The following ARHGEF4 variants were observed in gnomAD, a reference collection of about 807,000 sequenced individuals.
The protein encoded by ARHGEF4 is APC-stimulated guanine nucleotide exchange factor 1.
Under a neutral mutation model 162.0 loss-of-function variants are expected in ARHGEF4, and 119 were observed. That is an observed-to-expected ratio of 0.73 (90% CI 0.63 to 0.86). ARHGEF4 has a LOEUF of 0.86. Ranked by LOEUF, ARHGEF4 falls within the 40% of genes least tolerant of loss-of-function variation. The probability of loss-of-function intolerance (pLI) is 0.00; values close to 1 mark genes in which losing one functional copy is unlikely to be tolerated. For missense variants in ARHGEF4, 2,488 were observed against 2,456.0 expected (o/e 1.01, Z -0.28); for synonymous variants, 1,014 against 979.9 (o/e 1.03, Z -0.65).
At chr2:131,023,319 G>A (rs1192843893) in intron 4 of ARHGEF4, among the ~76,000 whole-genome samples, 6 of 152,014 alleles carry the variant, frequency 3.9e-5, no homozygotes, top group African/African-American at 1.4e-4. Flanking sequence ...TGTAATACCA[G>A]CTACTCAGGA....
intron 4 of ARHGEF4, among the ~76,000 whole-genome samples, chr2:130,948,384 T>C (rs941190552): frequency 6.6e-6 from 1 of 152,228 alleles, no homozygotes; most frequent in Non-Finnish European, 1.5e-5. Context: ...TTGACAAGTG[T>C]TGAAGAAACT....
At chr2:130,954,557 T>C (rs1684153813) in intron 4 of ARHGEF4, among the ~76,000 whole-genome samples, 1 of 152,200 alleles carries the variant, frequency 6.6e-6, no homozygotes, top group South Asian at 2.1e-4. Context: ...ATTAAAAAAA[T>C]AATAACAAAT....
At chr2:130,988,180 G>T (rs889597786) in intron 4 of ARHGEF4, among the ~76,000 whole-genome samples, 1 of 152,240 alleles carries the variant, frequency 6.6e-6, no homozygotes, top group Non-Finnish European at 1.5e-5. Context: ...AGGTGGCTCT[G>T]TCGGTGCCCG....
intron 1 of ARHGEF4, among the ~76,000 whole-genome samples, chr2:130,866,041 C>G (rs1448214974): frequency 6.6e-6 from 1 of 152,058 alleles, no homozygotes; most frequent in Non-Finnish European, 1.5e-5. Context: ...AAGTTAGGTC[C>G]AGGGACCTGA....
At chr2:130,848,291 G>T (rs1054947845) in intron 1 of ARHGEF4, among the ~76,000 whole-genome samples, 1 of 152,170 alleles carries the variant, frequency 6.6e-6, no homozygotes, top group Non-Finnish European at 1.5e-5. Flanking sequence ...CACCTTGTGC[G>T]CTGCCCCAGC....
At chr2:130,926,810 A>ATTTGTTTTTTTTTT (rs1682319630) in intron 2 of ARHGEF4, among the ~76,000 whole-genome samples, 1 of 48,948 alleles carries the variant, frequency 2.0e-5, no homozygotes, top group Non-Finnish European at 3.6e-5. Context: ...CTTCTGGCTG[A>ATTTGTTTTTTTTTT]TTTTTTTTTT....
At chr2:130,988,881 TATATATATATATATATATATAGAGAGAG>T (rs1321413040) in intron 4 of ARHGEF4, among the ~76,000 whole-genome samples, 1 of 26,994 alleles carries the variant, frequency 3.7e-5, no homozygotes. Flanking sequence ...TGTATATATA[TATATATATATATATATATATAGAGAGAG>T]AGAGAGAGAG....
intron 1 of ARHGEF4, among the ~76,000 whole-genome samples, chr2:130,874,744 G>A (rs1678711874): frequency 6.6e-6 from 1 of 152,134 alleles, no homozygotes; most frequent in Non-Finnish European, 1.5e-5. Flanking sequence ...CATCACCACA[G>A]CATTGGTCAT....
chr2:130,935,689 A>G (rs1247453261), intron 3 of ARHGEF4, among the ~76,000 whole-genome samples: 1 of 152,100 alleles, frequency 6.6e-6, no homozygotes, highest in Non-Finnish European at 1.5e-5. Context: ...TAATTTCCAT[A>G]TATTTGTGAA....
chr2:130,963,663 G>T (rs1452339754), intron 4 of ARHGEF4: 1 of 146,548 alleles, frequency 6.8e-6, no homozygotes, highest in Non-Finnish European at 1.5e-5. Flanking sequence ...GCGTGCGCGC[G>T]TGCGTGAGCG....
Position 131,028,026 on chromosome 2 carries a change from G to A in ARHGEF4, c.4067G>A (p.Ser1356Asn). The change falls in exon 5 of 14, where the codon AGC becomes AAC. Residue 1356 changes from serine (S) to asparagine (N), a missense_variant. Transcript: ENST00000409359. ...SEEDLYDDLHSSSHHYSHPGG... is the reference protein window; with the variant it reads ...SEEDLYDDLHNSSHHYSHPGG... ...GAGGACCTGTATGATGACCTGCACA[G>A]CTCCAGCCACCACTACAGCCACCCT... 1.2e-6 allele frequency: 2 copies of A among 1,613,906 alleles called. No homozygotes were observed. The highest frequency in any genetic ancestry group is 1.3e-5 in the African/African-American group (1 of 75,040).
intron 3 of ARHGEF4, among the ~76,000 whole-genome samples, chr2:130,938,142 A>AACATATGTTTAATAAC (rs1280612045): frequency 6.6e-6 from 1 of 152,204 alleles, no homozygotes; most frequent in Non-Finnish European, 1.5e-5. Flanking sequence ...TATTATAAAT[A>AACATATGTTTAATAAC]ATATGTTTAA....
intron 2 of ARHGEF4, among the ~76,000 whole-genome samples, chr2:130,918,278 G>T (rs535625151): frequency 6.6e-6 from 1 of 152,152 alleles, no homozygotes; most frequent in African/African-American, 2.4e-5. Context: ...AATGTTTAGT[G>T]CAGTAAGATG....
At chr2:130,875,598 C>T (rs989856911) in intron 1 of ARHGEF4, among the ~76,000 whole-genome samples, 2 of 152,164 alleles carry the variant, frequency 1.3e-5, no homozygotes. Flanking sequence ...TCACTCACTC[C>T]CAGGAGAATT....
intron 4 of ARHGEF4, among the ~76,000 whole-genome samples, chr2:131,012,086 G>C (rs905549791): frequency 6.6e-6 from 1 of 152,190 alleles, no homozygotes. Context: ...GCAGTTGTCT[G>C]CTACTGAGAT....
intron 1 of ARHGEF4, among the ~76,000 whole-genome samples, chr2:130,848,230 C>G (rs1212906451): frequency 2.0e-5 from 3 of 152,146 alleles, no homozygotes; most frequent in African/African-American, 7.2e-5. Context: ...CTGGGCTGCT[C>G]CCGCCCACCC....
At position 130,934,991 on chromosome 2, in the gene ARHGEF4, C is replaced by A. The variant is rs1327943128; in HGVS notation, c.3858+3734C>A. ...AATTTCTGTAACATCAGTAGTAATG[C>A]CTCCACTCTCATTTCTAATTTTAGT... On this transcript the variant is annotated intron_variant, in intron 3 of 13. Transcript: ENST00000409359. Among the ~76,000 whole-genome samples, 4 of 152,114 alleles carry A rather than the reference C, an allele frequency of 2.6e-5. No individual in the cohort carries two copies. The East Asian group carries it at 7.7e-4, about 29-fold the overall frequency.
chr2:130,976,544 A>T (rs1276931018), intron 4 of ARHGEF4, among the ~76,000 whole-genome samples: 1 of 152,238 alleles, frequency 6.6e-6, no homozygotes, highest in African/African-American at 2.4e-5. Context: ...CACTAAAGTC[A>T]GCCAATAACT....
intron 1 of ARHGEF4, among the ~76,000 whole-genome samples, chr2:130,890,512 A>C (rs951897850): frequency 6.6e-6 from 1 of 152,032 alleles, no homozygotes; most frequent in Non-Finnish European, 1.5e-5. Flanking sequence ...CAGTGAGCCA[A>C]GATCACGCAA....
Sources: gnomAD v4.1 joint callset for allele counts (sites outside exome capture counted in the v4.1 genomes callset) on GRCh38, gnomAD v4.1.1 for gene constraint, MANE v1.5 for transcripts, NCBI Gene and HGNC (gene_info 2026-07-23, HGNC 2026-07-21) for gene names.